The following ASIC2 variants were observed in gnomAD, a reference collection of about 807,000 sequenced individuals.
The protein encoded by ASIC2 is acid sensing ion channel subunit 2, also known as acid-sensing ion channel 2.
In ASIC2, 25 loss-of-function variants were observed where a neutral mutation model predicts 57.3. The ratio of observed to expected loss-of-function variants is 0.44; its 90% CI spans 0.32 to 0.61. ASIC2 has a LOEUF of 0.61. Ranked by LOEUF, ASIC2 falls within the 20% of genes least tolerant of loss-of-function variation. ASIC2 has a pLI of 0.06. For synonymous variants in ASIC2, 319 were observed against 307.5 expected, an observed-to-expected ratio of 1.04 and a Z score of -0.39; for missense variants, 641 against 738.1, an observed-to-expected ratio of 0.87 and a Z score of 1.52.
intron 1 of ASIC2, among the ~76,000 whole-genome samples, chr17:33,760,537 C>T (rs932337225): frequency 1.3e-5 from 2 of 149,702 alleles, no homozygotes; most frequent in African/African-American, 2.5e-5. Context: ...TGTGTGTGTG[C>T]CATAGATTTA....
chr17:33,241,191 G>A (rs1471687080), intron 1 of ASIC2, among the ~76,000 whole-genome samples: 1 of 152,156 alleles, frequency 6.6e-6, no homozygotes, highest in African/African-American at 2.4e-5. Flanking sequence ...TCTCTTAAAT[G>A]CCACCCTGTT....
chr17:33,095,274 A>G (rs989851835), intron 2 of ASIC2, among the ~76,000 whole-genome samples: 4 of 151,866 alleles, frequency 2.6e-5, no homozygotes, highest in Non-Finnish European at 5.9e-5. Context: ...CTCATCTTCC[A>G]TTTGGTTACC....
At chr17:33,673,151 G>T (rs1206296946) in intron 1 of ASIC2, among the ~76,000 whole-genome samples, 3 of 152,184 alleles carry the variant, frequency 2.0e-5, no homozygotes, top group African/African-American at 4.8e-5. Flanking sequence ...TCAGGTGCAG[G>T]TGCAGGGGAG....
chr17:34,098,091 G>T (rs901367341), intron 1 of ASIC2, among the ~76,000 whole-genome samples: 3 of 152,138 alleles, frequency 2.0e-5, no homozygotes, highest in Non-Finnish European at 4.4e-5. Flanking sequence ...GGCGGGTTTG[G>T]AGCTGAAGAA....
chr17:33,271,213 C>T (rs1212063698), intron 1 of ASIC2, among the ~76,000 whole-genome samples: 2 of 152,066 alleles, frequency 1.3e-5, no homozygotes, highest in Non-Finnish European at 2.9e-5. Flanking sequence ...CCTTTGCCTG[C>T]TCCTTTACTT....
intron 1 of ASIC2, among the ~76,000 whole-genome samples, chr17:33,167,870 C>G (rs1002142213): frequency 1.3e-5 from 2 of 152,230 alleles, no homozygotes; most frequent in South Asian, 2.1e-4. Context: ...AGTCATCCTT[C>G]CCATTTCTAA....
intron 1 of ASIC2, among the ~76,000 whole-genome samples, chr17:33,351,714 A>G (rs145851002): frequency 1.3e-5 from 2 of 152,110 alleles, no homozygotes; most frequent in Non-Finnish European, 2.9e-5. Flanking sequence ...CTCACAGAAA[A>G]TTTTCAGGGG....
intron 1 of ASIC2, among the ~76,000 whole-genome samples, chr17:33,807,963 AT>A (rs796564538): frequency 2.0e-5 from 3 of 152,226 alleles, no homozygotes; most frequent in African/African-American, 7.2e-5. Flanking sequence ...TTTTGCAAAT[AT>A]TTTTCTCCCA....
intron 3 of ASIC2, among the ~76,000 whole-genome samples, chr17:33,048,094 C>G (rs1324491952): frequency 6.6e-6 from 1 of 152,166 alleles, no homozygotes; most frequent in Non-Finnish European, 1.5e-5. Context: ...TAGCAGAGCT[C>G]TTTCTCTCTC....
intron 1 of ASIC2, among the ~76,000 whole-genome samples, chr17:33,864,721 T>A (rs1048656190): frequency 1.3e-5 from 2 of 152,098 alleles, no homozygotes; most frequent in Non-Finnish European, 2.9e-5. Context: ...TGGCTACTCA[T>A]TGGCTAAGCA....
rs192302246 is a variant in ASIC2 at position 33,108,762 on chromosome 17, G to A, written c.859+3155C>T. Among the ~76,000 whole-genome samples, 66 of 152,312 alleles carry A rather than the reference G, an allele frequency of 4.3e-4. No homozygotes were observed. The East Asian group carries it at 5.8e-3, about 13-fold the overall frequency. On this transcript the variant is annotated intron_variant, in intron 2 of 9. Coordinates refer to ENST00000225823, the MANE Select transcript of ASIC2 (RefSeq NM_183377.2). ...GCAGGAATTCAAGGGTCTGGCTGAG[G>A]GGTCTGGGGGAAGTGACAAAACCTC...
At chr17:33,097,365 A>G (rs1326682328) in intron 2 of ASIC2, among the ~76,000 whole-genome samples, 1 of 152,060 alleles carries the variant, frequency 6.6e-6, no homozygotes, top group Non-Finnish European at 1.5e-5. Context: ...ATTTCATTTT[A>G]TTTTTTTACA....
At chr17:33,977,783 C>G (rs985017186) in intron 1 of ASIC2, among the ~76,000 whole-genome samples, 1 of 152,332 alleles carries the variant, frequency 6.6e-6, no homozygotes, top group South Asian at 2.1e-4. Flanking sequence ...CCAACAGAAG[C>G]CTCATGACAC....
At chr17:33,968,986 A>T (rs1303274353) in intron 1 of ASIC2, among the ~76,000 whole-genome samples, 1 of 152,162 alleles carries the variant, frequency 6.6e-6, no homozygotes, top group Admixed American at 6.5e-5. Flanking sequence ...CTGCATCCTG[A>T]GTCAGACAAT....
At chr17:33,770,712 A>G (rs1041500551) in intron 1 of ASIC2, among the ~76,000 whole-genome samples, 2 of 152,176 alleles carry the variant, frequency 1.3e-5, no homozygotes, top group African/African-American at 4.8e-5. Context: ...CTGGGTACTC[A>G]CAGCTTTATC....
chr17:33,271,184 G>A (rs1228744186), intron 1 of ASIC2, among the ~76,000 whole-genome samples: 1 of 151,932 alleles, frequency 6.6e-6, no homozygotes, highest in Admixed American at 6.6e-5. Flanking sequence ...CTACCTCCTT[G>A]ACTGTTCCCT....
chr17:33,185,171 C>T (rs1382330004), intron 1 of ASIC2, among the ~76,000 whole-genome samples: 2 of 152,304 alleles, frequency 1.3e-5, no homozygotes, highest in East Asian at 3.9e-4. Context: ...AAGAATTAGA[C>T]TCATCTATTT....
chr17:33,699,176 C>T (rs1567692251), intron 1 of ASIC2, among the ~76,000 whole-genome samples: 1 of 152,188 alleles, frequency 6.6e-6, no homozygotes, highest in Non-Finnish European at 1.5e-5. Flanking sequence ...TCTCTCCTCA[C>T]AAGGACTCCA....
At chr17:33,314,105 G>A (rs1019989190) in intron 1 of ASIC2, among the ~76,000 whole-genome samples, 2 of 152,104 alleles carry the variant, frequency 1.3e-5, no homozygotes, top group South Asian at 2.1e-4. Context: ...AGCTAGAGAC[G>A]TGGGCTTGCC....
Sources: allele counts gnomAD v4.1 joint callset (sites outside exome capture counted in the v4.1 genomes callset), GRCh38; gene constraint gnomAD v4.1.1; transcripts MANE v1.5; gene names NCBI Gene and HGNC (gene_info 2026-07-23, HGNC 2026-07-21).